Variants in FRMD5 observed in about 807,000 individuals in gnomAD.
The protein encoded by FRMD5 is FERM domain-containing protein 5.
A neutral mutation model predicts 69.0 loss-of-function variants in FRMD5; 20 were observed. The ratio of observed to expected loss-of-function variants is 0.29; its 90% CI spans 0.20 to 0.42. The LOEUF (loss-of-function observed/expected upper bound fraction) is 0.42, where lower values mean the gene tolerates loss of function less well. Among genes scored for constraint, FRMD5 ranks in the 10% least tolerant of loss-of-function variants. The pLI is 1.00. For missense variants in FRMD5, 595 were observed against 708.6 expected (o/e 0.84, Z 1.82); for synonymous variants, 271 against 260.1 (o/e 1.04, Z -0.40).
At chr15:43,884,238 C>T (rs2088607716) in intron 12 of FRMD5, among the ~76,000 whole-genome samples, 2 of 152,308 alleles carry the variant, frequency 1.3e-5, no homozygotes, top group South Asian at 4.1e-4. Context: ...GAGGCAAAGG[C>T]TGGTTGGCAA....
chr15:44,156,373 A>T (rs2077528322), intron 1 of FRMD5, among the ~76,000 whole-genome samples: 1 of 152,126 alleles, frequency 6.6e-6, no homozygotes, highest in South Asian at 2.1e-4. Context: ...CAAACTCCTG[A>T]TCTCAAGTGA....
Position 43,905,947 on chromosome 15 carries a change from C to T in FRMD5, c.432G>A (p.Glu144=). The T allele has an allele frequency of 1.2e-6, 2 of 1,614,214 alleles. No homozygotes were observed. Among genetic ancestry groups the T allele is most frequent in the Non-Finnish European group, 8.5e-7 (1 of 1,180,032 alleles). Residue 144 remains glutamate (E), a synonymous_variant, in exon 6 of 14, where the codon GAG becomes GAA. Coordinates refer to ENST00000417257, the MANE Select transcript of FRMD5 (RefSeq NM_032892.5). ...GTTTCCCTGAGTCATAATCCCCAAT[C>T]TCCGCTTTCAAAAGGAAGGTGGAAG... is the stretch of plus-strand genomic sequence containing the variant. ...ALLAAYILQA[E]IGDYDSGKHP...
At chr15:43,933,260 A>C (rs1161913897) in intron 1 of FRMD5, among the ~76,000 whole-genome samples, 1 of 152,182 alleles carries the variant, frequency 6.6e-6, no homozygotes, top group African/African-American at 2.4e-5. Context: ...GAAGGAGGCA[A>C]GATAGGAGGC....
intron 1 of FRMD5, among the ~76,000 whole-genome samples, chr15:44,051,636 C>T (rs1892670925): frequency 6.6e-6 from 1 of 152,034 alleles, no homozygotes; most frequent in African/African-American, 2.4e-5. Flanking sequence ...TAGGATCTCA[C>T]AATATATTCT....
At chr15:44,001,841 C>T (rs1890227971) in intron 1 of FRMD5, among the ~76,000 whole-genome samples, 1 of 152,048 alleles carries the variant, frequency 6.6e-6, no homozygotes, top group Admixed American at 6.6e-5. Context: ...TCAAGGGATC[C>T]TCCTGCCTCA....
intron 1 of FRMD5, chr15:44,194,540 C>A: frequency 3.4e-6 from 1 of 290,468 alleles, no homozygotes; most frequent in South Asian, 3.2e-5. Flanking sequence ...AAAAGCCAGC[C>A]ATACGTCCTT....
At chr15:43,959,662 T>G (rs1277273118) in intron 1 of FRMD5, among the ~76,000 whole-genome samples, 1 of 152,164 alleles carries the variant, frequency 6.6e-6, no homozygotes, top group African/African-American at 2.4e-5. Flanking sequence ...CATCACTCTG[T>G]GAATATATGA....
At chr15:44,100,849 T>C (rs568529619) in intron 1 of FRMD5, among the ~76,000 whole-genome samples, 2 of 152,228 alleles carry the variant, frequency 1.3e-5, no homozygotes, top group East Asian at 1.9e-4. Flanking sequence ...TTCCTGCAGC[T>C]AGAAATAAAC....
At chr15:44,070,338 C>T (rs1366301542) in intron 1 of FRMD5, among the ~76,000 whole-genome samples, 2 of 148,846 alleles carry the variant, frequency 1.3e-5, no homozygotes, top group African/African-American at 4.9e-5. Context: ...AAAAAAAAGG[C>T]AGATCCTCTA....
At chr15:44,133,030 G>T (rs890128038) in intron 1 of FRMD5, among the ~76,000 whole-genome samples, 2 of 151,856 alleles carry the variant, frequency 1.3e-5, no homozygotes, top group South Asian at 4.2e-4. Context: ...CAAAGTGCTG[G>T]GATTACAGGC....
chr15:44,041,660 C>A (rs1039835723), intron 1 of FRMD5, among the ~76,000 whole-genome samples: 1 of 152,160 alleles, frequency 6.6e-6, no homozygotes, highest in Non-Finnish European at 1.5e-5. Flanking sequence ...GGAAACTGAA[C>A]AACCTGCTCC....
chr15:43,885,807 G>A, intron 10 of FRMD5, 52 bp from the exon 11 acceptor site: 2 of 1,392,512 alleles, frequency 1.4e-6, no homozygotes, highest in Non-Finnish European at 2.0e-6. Context: ...GCCTCACACA[G>A]GTTAAGGCAG....
chr15:43,987,865 A>G (rs1374302307), intron 1 of FRMD5, among the ~76,000 whole-genome samples: 1 of 152,140 alleles, frequency 6.6e-6, no homozygotes, highest in Non-Finnish European at 1.5e-5. Flanking sequence ...ATTACATTGT[A>G]ATATATAATG....
chr15:44,034,423 C>T lies in FRMD5; in HGVS notation c.103-110114G>A, dbSNP rs1354756914. 3.3e-5 allele frequency among the ~76,000 whole-genome samples: 5 copies of T among 152,204 alleles called. No individual in the cohort carries two copies. The South Asian group carries it at 6.2e-4, about 19-fold the overall frequency. On this transcript the variant is annotated intron_variant, in intron 1 of 13. Coordinates refer to ENST00000417257, the MANE Select transcript of FRMD5 (RefSeq NM_032892.5). ...CCCATGTGTTGTCTTTAAAGGTTCA[C>T]TTGGTCTACACTTGGGTTCACGGAC...
At chr15:43,931,297 C>A (rs968959466) in intron 1 of FRMD5, among the ~76,000 whole-genome samples, 3 of 152,214 alleles carry the variant, frequency 2.0e-5, no homozygotes, top group African/African-American at 4.8e-5. Context: ...TGCAGAACTA[C>A]TGGAAACTCA....
At chr15:44,122,414 A>T (rs1438662350) in intron 1 of FRMD5, among the ~76,000 whole-genome samples, 1 of 151,818 alleles carries the variant, frequency 6.6e-6, no homozygotes, top group Non-Finnish European at 1.5e-5. Flanking sequence ...AATACAAAAA[A>T]AATCAGCCAG....
At chr15:44,134,290 A>G (rs2077149780) in intron 1 of FRMD5, among the ~76,000 whole-genome samples, 1 of 152,102 alleles carries the variant, frequency 6.6e-6, no homozygotes, top group Non-Finnish European at 1.5e-5. Flanking sequence ...AATACTTACA[A>G]AAGAATATCT....
At chr15:43,953,458 G>A (rs2090068401) in intron 1 of FRMD5, among the ~76,000 whole-genome samples, 1 of 152,218 alleles carries the variant, frequency 6.6e-6, no homozygotes, top group Non-Finnish European at 1.5e-5. Context: ...AAGAAAATCA[G>A]CAATGAGAAG....
intron 1 of FRMD5, among the ~76,000 whole-genome samples, chr15:44,125,228 G>A (rs1357996728): frequency 6.6e-6 from 1 of 151,862 alleles, no homozygotes; most frequent in Non-Finnish European, 1.5e-5. Flanking sequence ...CTTGAGTCCT[G>A]GCATTTGAGA....
Sources: allele counts gnomAD v4.1 joint callset (sites outside exome capture counted in the v4.1 genomes callset), GRCh38; gene constraint gnomAD v4.1.1; transcripts MANE v1.5; gene names NCBI Gene and HGNC (gene_info 2026-07-23, HGNC 2026-07-21).